The following BNC2 variants were observed in gnomAD, a reference collection of about 807,000 sequenced individuals.
BNC2 encodes zinc finger protein basonuclin-2.
In BNC2, 20 loss-of-function variants were observed where a neutral mutation model predicts 76.3. The ratio of observed to expected loss-of-function variants is 0.26; its 90% confidence interval spans 0.18 to 0.38. The LOEUF is 0.38. BNC2 is among the 10% of genes least tolerant of loss of function. The pLI, the probability that BNC2 is intolerant of heterozygous loss-of-function variation, is 1.00. For synonymous variants in BNC2, 582 were observed against 514.8 expected, an observed-to-expected ratio of 1.13 and a Z score of -1.77; for missense variants, 1,382 against 1,399.8, an observed-to-expected ratio of 0.99 and a Z score of 0.20.
chr9:16,430,225 G>A (rs1820882253), intron 6 of BNC2, among the ~76,000 whole-genome samples: 1 of 151,924 alleles, frequency 6.6e-6, no homozygotes, highest in Non-Finnish European at 1.5e-5. Flanking sequence ...TTAACATTTA[G>A]AAGTCAGAGG....
chr9:16,815,712 A>G (rs2135897050), intron 1 of BNC2, among the ~76,000 whole-genome samples: 1 of 152,336 alleles, frequency 6.6e-6, no homozygotes, highest in East Asian at 1.9e-4. Flanking sequence ...TGCTTCCCAC[A>G]TCAAGATTTG....
chr9:16,769,801 C>A (rs1458336234), intron 1 of BNC2, among the ~76,000 whole-genome samples: 1 of 152,180 alleles, frequency 6.6e-6, no homozygotes, highest in Non-Finnish European at 1.5e-5. Context: ...CCACCACTTA[C>A]AAGATTCATG....
intron 3 of BNC2, among the ~76,000 whole-genome samples, chr9:16,678,261 C>CTTTCTCTTTTTTTTTTTTTTTTT (rs1473647913): frequency 1.3e-5 from 1 of 75,886 alleles, no homozygotes; most frequent in Non-Finnish European, 2.6e-5. Context: ...TGTTTTCTTT[C>CTTTCTCTTTTTTTTTTTTTTTTT]TTTTTCTTTT....
intron 3 of BNC2, among the ~76,000 whole-genome samples, chr9:16,643,683 C>T (rs1045754088): frequency 2.6e-5 from 4 of 152,098 alleles, no homozygotes. Context: ...ATGTGAAAAG[C>T]AGCAATCACA....
chr9:16,716,000 T>C (rs572311966), intron 3 of BNC2, among the ~76,000 whole-genome samples: 6 of 152,350 alleles, frequency 3.9e-5, no homozygotes, highest in South Asian at 4.1e-4. Context: ...AAATGTTTTT[T>C]AAAATAGTAA....
At chr9:16,686,527 A>T (rs1311457376) in intron 3 of BNC2, among the ~76,000 whole-genome samples, 1 of 152,180 alleles carries the variant, frequency 6.6e-6, no homozygotes, top group Non-Finnish European at 1.5e-5. Flanking sequence ...ATATGTCTCT[A>T]AACTCAATAC....
chr9:16,548,889 C>T (rs929545340), intron 5 of BNC2, among the ~76,000 whole-genome samples: 2 of 152,296 alleles, frequency 1.3e-5, no homozygotes, highest in East Asian at 3.9e-4. Context: ...TATTACCTGA[C>T]TTCTTAAGTA....
At chr9:16,723,668 A>T (rs1824233171) in intron 3 of BNC2, among the ~76,000 whole-genome samples, 1 of 152,164 alleles carries the variant, frequency 6.6e-6, no homozygotes, top group South Asian at 2.1e-4. Flanking sequence ...TTTATTTATC[A>T]TTTCTCTGAA....
At position 16,436,514 on chromosome 9, in the gene BNC2, A is replaced by G; in HGVS notation, c.1680T>C (p.Phe560=). Residue 560 remains phenylalanine (F), a synonymous_variant, in exon 6 of 7, where the codon TTT becomes TTC. Coordinates refer to ENST00000380672, the MANE Select transcript of BNC2 (RefSeq NM_017637.6). ...LQNPLPSQLV[F]SGLKTVQPVP... is the part of the protein sequence containing the mutation. ...CTGGTTGTACAGTCTTTAGCCCAGA[A>G]AATACTAGCTGGCTAGGGAGAGGAT... 6.2e-7 allele frequency: 1 copy of G among 1,614,108 alleles called. No individual in the cohort carries two copies. The highest frequency in any genetic ancestry group is 8.5e-7 in the Non-Finnish European group (1 of 1,180,026).
chr9:16,709,439 C>T (rs965327193), intron 3 of BNC2, among the ~76,000 whole-genome samples: 2 of 152,168 alleles, frequency 1.3e-5, no homozygotes, highest in Non-Finnish European at 2.9e-5. Flanking sequence ...AAACAGTACA[C>T]TTGCAATGCC....
chr9:16,678,802 T>C (rs979437237), intron 3 of BNC2, among the ~76,000 whole-genome samples: 4 of 152,168 alleles, frequency 2.6e-5, no homozygotes, highest in Non-Finnish European at 5.9e-5. Context: ...CTCAGAGTTG[T>C]CCTGACATTC....
At chr9:16,856,852 C>A (rs1427627236) in intron 1 of BNC2, among the ~76,000 whole-genome samples, 2 of 152,122 alleles carry the variant, frequency 1.3e-5, no homozygotes, top group Admixed American at 1.3e-4. Flanking sequence ...TGAACTTCTC[C>A]AATCCTAGAT....
chr9:16,868,018 T>A (rs1264457638), intron 1 of BNC2: 1 of 152,180 alleles, frequency 6.6e-6, no homozygotes, highest in African/African-American at 2.4e-5. Flanking sequence ...AAGTGAATCA[T>A]ATCCTGCTGC....
At position 16,463,062 on chromosome 9, in the gene BNC2, A is replaced by G. The variant is rs139458925; in HGVS notation, c.670-25538T>C. Among the ~76,000 whole-genome samples, 3 of 151,992 alleles carry G rather than the reference A, an allele frequency of 2.0e-5. No individual in the cohort carries two copies. The East Asian group carries it at 5.8e-4, about 30-fold the overall frequency. On this transcript the variant is annotated intron_variant, in intron 5 of 6. Coordinates refer to ENST00000380672, the MANE Select transcript of BNC2 (RefSeq NM_017637.6). ...CACTGGCCTCTCTCTTTCCATTTTT[A>G]CTACTGAAAGCAATGTTGTTCTGAA...
At chr9:16,848,936 T>C (rs1819058382) in intron 1 of BNC2, among the ~76,000 whole-genome samples, 1 of 152,162 alleles carries the variant, frequency 6.6e-6, no homozygotes, top group African/African-American at 2.4e-5. Context: ...GTATAAAATA[T>C]ATAAGAAAAA....
At position 16,856,277 on chromosome 9, in the gene BNC2, T is replaced by TCTCA. The variant is rs1554752004; in HGVS notation, c.3+14368_3+14369insTGAG. ...TCTTCACACACACTCTCTCTCTCTC[T>TCTCA]CACACACACACACACACACACACAC... is the stretch of plus-strand genomic sequence containing the variant. On this transcript the variant is annotated intron_variant, in intron 1 of 6. Transcript: ENST00000380672. 1.5e-3 allele frequency among the ~76,000 whole-genome samples: 221 copies of TCTCA among 148,222 alleles called. 1 individual carries two copies. Among genetic ancestry groups the TCTCA allele is most frequent in the East Asian group, 4.4e-3 (22 of 4,980 alleles).
chr9:16,818,556 A>C (rs1413683263), intron 1 of BNC2, among the ~76,000 whole-genome samples: 1 of 152,206 alleles, frequency 6.6e-6, no homozygotes, highest in East Asian at 1.9e-4. Context: ...CTCATGATTC[A>C]TAATAAATGG....
intron 5 of BNC2, among the ~76,000 whole-genome samples, chr9:16,539,219 A>G (rs1422998615): frequency 1.3e-5 from 2 of 152,116 alleles, no homozygotes; most frequent in African/African-American, 2.4e-5. Flanking sequence ...ATTTGTGGGG[A>G]AAAATAAATA....
intron 3 of BNC2, among the ~76,000 whole-genome samples, chr9:16,672,775 C>G (rs1822517717): frequency 6.6e-6 from 1 of 152,188 alleles, no homozygotes; most frequent in Non-Finnish European, 1.5e-5. Context: ...TTATTGGACA[C>G]TGTCGCCAAA....
Sources: gnomAD v4.1 joint callset for allele counts (sites outside exome capture counted in the v4.1 genomes callset) on GRCh38, gnomAD v4.1.1 for gene constraint, MANE v1.5 for transcripts, NCBI Gene and HGNC (gene_info 2026-07-23, HGNC 2026-07-21) for gene names.